The following TIPRL variants were observed in gnomAD, a reference collection of about 807,000 sequenced individuals.
The protein encoded by TIPRL is TIP41-like protein.
A neutral mutation model predicts 32.3 loss-of-function variants in TIPRL; 10 were observed. The ratio of observed to expected loss-of-function variants is 0.31; its 90% CI spans 0.19 to 0.52. The LOEUF is 0.52. Among genes scored for constraint, TIPRL ranks in the 20% least tolerant of loss-of-function variants. TIPRL has a pLI of 0.96. For missense variants in TIPRL, 250 were observed against 328.1 expected (o/e 0.76, Z 1.84); for synonymous variants, 100 against 114.0 (o/e 0.88, Z 0.78).
At chr1:168,179,231 G>A in intron 1 of TIPRL, 50 bp downstream of exon 1, 1 of 1,571,744 alleles carries the variant, frequency 6.4e-7, no homozygotes, top group East Asian at 2.3e-5. Flanking sequence ...GCTGGCCCAG[G>A]GCGGGAGGCA....
In TIPRL at chr1:168,184,091, C is replaced by G; in HGVS notation, c.284+10C>G. The G allele has an allele frequency of 6.3e-7, 1 of 1,593,264 alleles. No homozygotes were observed. On this transcript the variant is annotated intron_variant, in intron 2 of 6. Coordinates refer to ENST00000367833, the MANE Select transcript of TIPRL (RefSeq NM_152902.5). ...AGTGGCAAGAAAGCAGGTGAGAATCCGGTCAATTAGGTTAAACAAAAAAGG... is the reference window on the plus strand; with the variant it reads ...AGTGGCAAGAAAGCAGGTGAGAATCGGGTCAATTAGGTTAAACAAAAAAGG...
chr1:168,196,768 TGA>T (rs535903026), intron 5 of TIPRL, 126 bp downstream of exon 5: 64 of 541,322 alleles, frequency 1.2e-4, no homozygotes, highest in African/African-American at 1.1e-3. Context: ...CTGTTAAGTC[TGA>T]GTGTTTCACA....
Position 168,196,563 on chromosome 1 carries a change from G to A in TIPRL, c.533G>A (p.Ser178Asn). The A allele has an allele frequency of 6.3e-7, 1 of 1,588,364 alleles. No homozygotes were observed. The highest frequency in any genetic ancestry group is 8.6e-7 in the Non-Finnish European group (1 of 1,168,834). ...LSVKIRVMPS[S>N]FFLLLRFFLR... Reference sequence around the variant, plus strand: ...TTTTTCCAGAGAGTAATGCCTTCTAGCTTTTTCCTGCTGTTGCGGTTTTTC... The same window carrying A: ...TTTTTCCAGAGAGTAATGCCTTCTAACTTTTTCCTGCTGTTGCGGTTTTTC... The change falls in exon 5 of 7, where the codon AGC (serine) becomes AAC (asparagine). Residue 178 changes from serine (S) to asparagine (N), a missense_variant. Transcript: ENST00000367833.
In TIPRL at chr1:168,182,083, A is replaced by C. The variant is rs528344041; in HGVS notation, c.105-1819A>C. On this transcript the variant is annotated intron_variant, in intron 1 of 6. Transcript: ENST00000367833. ...CGTCCCCCACCCTCCGCCAAAAAAA[A>C]AAAAATGCCTTTTTTTATATGACAA... Among the ~76,000 whole-genome samples the C allele has an allele frequency of 2.6e-3, 301 of 114,116 alleles. 3 individuals carry two copies. Among genetic ancestry groups the C allele is most frequent in the Middle Eastern group, 9.0e-3 (2 of 222 alleles). The allele number at this position is 114,116 out of a possible 152,430, so 74.9% of individuals were successfully genotyped here. A position where few individuals can be genotyped will look rare whatever the true frequency, so the allele number is the denominator to read the frequency against.
intron 1 of TIPRL, among the ~76,000 whole-genome samples, chr1:168,181,015 C>T (rs908382760): frequency 6.6e-6 from 1 of 151,668 alleles, no homozygotes; most frequent in African/African-American, 2.4e-5. Flanking sequence ...CAGAGACTCA[C>T]TCTGTCGCCC....
At chr1:168,183,114 T>A (rs1208302772) in intron 1 of TIPRL, among the ~76,000 whole-genome samples, 1 of 152,182 alleles carries the variant, frequency 6.6e-6, no homozygotes, top group Non-Finnish European at 1.5e-5. Context: ...ATCATAAGCA[T>A]TTTTTCATAT....
intron 5 of TIPRL, among the ~76,000 whole-genome samples, chr1:168,197,063 C>T (rs903051901): frequency 2.6e-5 from 4 of 152,280 alleles, no homozygotes; most frequent in Non-Finnish European, 2.9e-5. Flanking sequence ...CCTGTAATCC[C>T]GGCACTTTGG....
intron 3 of TIPRL, among the ~76,000 whole-genome samples, chr1:168,188,698 G>A (rs1700057620): frequency 1.3e-5 from 2 of 152,150 alleles, no homozygotes; most frequent in Non-Finnish European, 2.9e-5. Flanking sequence ...GAAGCTCTGA[G>A]GCTGGGCACA....
At chr1:168,192,253 C>G in intron 4 of TIPRL, 1 of 1,395,938 alleles carries the variant, frequency 7.2e-7, no homozygotes. Context: ...GAGGCTGAGG[C>G]AGGAGAAGCG....
intron 1 of TIPRL, among the ~76,000 whole-genome samples, chr1:168,180,511 T>C (rs1699947217): frequency 6.6e-6 from 1 of 152,164 alleles, no homozygotes; most frequent in Non-Finnish European, 1.5e-5. Context: ...ATTTGGTACC[T>C]GGAGCTTTGG....
chr1:168,182,613 G>A (rs1342988932), intron 1 of TIPRL, among the ~76,000 whole-genome samples: 2 of 152,026 alleles, frequency 1.3e-5, no homozygotes, highest in African/African-American at 4.8e-5. Context: ...GCAACAGAGC[G>A]AGACTCCGTC....
intron 4 of TIPRL, among the ~76,000 whole-genome samples, chr1:168,194,460 A>G (rs988318381): frequency 2.6e-5 from 4 of 152,266 alleles, no homozygotes; most frequent in Non-Finnish European, 5.9e-5. Flanking sequence ...CCACTGTGCC[A>G]TGCTAAAATG....
chr1:168,188,013 G>A (rs940667585), intron 3 of TIPRL, among the ~76,000 whole-genome samples: 5 of 152,098 alleles, frequency 3.3e-5, no homozygotes, highest in African/African-American at 1.2e-4. Flanking sequence ...ATAAATGGCA[G>A]CTGTTACTAT....
intron 1 of TIPRL, 48 bp downstream of exon 1, chr1:168,179,229 A>G (rs779230301): frequency 1.4e-5 from 22 of 1,571,048 alleles, no homozygotes; most frequent in Non-Finnish European, 1.8e-5. Flanking sequence ...TTGCTGGCCC[A>G]GGGCGGGAGG....
intron 1 of TIPRL, among the ~76,000 whole-genome samples, chr1:168,181,511 C>T (rs1386626768): frequency 6.6e-6 from 1 of 151,604 alleles, no homozygotes; most frequent in Non-Finnish European, 1.5e-5. Context: ...CGCACCCGGC[C>T]TCCTCTCCAT....
In TIPRL at chr1:168,184,835, C is replaced by T; in HGVS notation, c.341C>T (p.Thr114Ile). ...VIKPYDWTYTTDYKGTLLGES... is the reference protein window; with the variant it reads ...VIKPYDWTYTIDYKGTLLGES... ...AAACCATATGATTGGACCTATACAA[C>T]AGATTATAAGGGAACCTTACTTGGA... The change falls in exon 3 of 7, where the codon ACA becomes ATA. Residue 114 changes from threonine (T) to isoleucine (I), a missense_variant. Thr to Ile is a moderately conservative substitution (Grantham distance 89). Transcript: ENST00000367833. The T allele has an allele frequency of 6.2e-7, 1 of 1,612,476 alleles. No individual in the cohort carries two copies. The highest frequency in any genetic ancestry group is 1.1e-5 in the South Asian group (1 of 90,736).
chr1:168,183,369 T>G (rs1699989868), intron 1 of TIPRL, among the ~76,000 whole-genome samples: 1 of 139,876 alleles, frequency 7.1e-6, no homozygotes, highest in East Asian at 2.0e-4. Flanking sequence ...TTATGTTAAA[T>G]TCCTGTGATT....
At position 168,196,669 on chromosome 1, in the gene TIPRL, C is replaced by G. The variant is rs113385511; in HGVS notation, c.612+27C>G. On this transcript the variant is annotated intron_variant, in intron 5 of 6. Coordinates refer to ENST00000367833, the MANE Select transcript of TIPRL (RefSeq NM_152902.5). ...TATTTATTGTTGTTTAATGAATATA[C>G]TAATTGATACTGGGCTTGTTTGTGT... 1,981 of 1,446,712 alleles carry G rather than the reference C, an allele frequency of 1.4e-3. 20 individuals are homozygous for G. In the African/African-American group the frequency reaches 0.024, roughly 18 times the overall value. 89.6% of individuals were successfully genotyped at this position (1,446,712 alleles called of 1,614,324 possible). A position where few individuals can be genotyped will look rare whatever the true frequency, so the allele number is the denominator to read the frequency against.
chr1:168,197,819 G>A (rs910463383), intron 5 of TIPRL, among the ~76,000 whole-genome samples: 21 of 152,096 alleles, frequency 1.4e-4, no homozygotes, highest in Non-Finnish European at 2.5e-4. Context: ...GAGCCACACC[G>A]CTCCTGGCCT....
Sources: allele counts gnomAD v4.1 joint callset (sites outside exome capture counted in the v4.1 genomes callset), GRCh38; gene constraint gnomAD v4.1.1; transcripts MANE v1.5; gene names NCBI Gene and HGNC (gene_info 2026-07-23, HGNC 2026-07-21).